The following CCL28 variants were observed in gnomAD, a reference collection of about 807,000 sequenced individuals.
CCL28 encodes C-C motif chemokine ligand 28, also known as C-C motif chemokine 28.
A neutral mutation model predicts 7.1 loss-of-function variants in CCL28; 4 were observed. The observed-to-expected ratio is 0.56, with a 90% CI of 0.28 to 1.29. CCL28 has a LOEUF of 1.29. Among genes scored for constraint, CCL28 ranks in the 50% most tolerant of loss-of-function variants. The pLI is 0.11. For missense variants in CCL28, 151 were observed against 163.4 expected, an observed-to-expected ratio of 0.92 and a Z score of 0.41; for synonymous variants, 55 against 57.8, an observed-to-expected ratio of 0.95 and a Z score of 0.22.
At position 43,382,008 on chromosome 5, in the gene CCL28, T is replaced by C. The variant is rs376170872; in HGVS notation, c.236A>G (p.His79Arg). 83 of 1,614,064 alleles carry C rather than the reference T, an allele frequency of 5.1e-5. No homozygotes were observed. Among genetic ancestry groups the C allele is most frequent in the Admixed American group, 1.5e-4 (9 of 59,998 alleles). Residue 79 changes from histidine to arginine, a missense_variant, in exon 3 of 3, where the codon CAT becomes CGT. By Grantham distance (29) the His-to-Arg change is conservative. Coordinates refer to ENST00000361115, the MANE Select transcript of CCL28 (RefSeq NM_148672.3). ...RRRICVSPHN[H>R]TVKQWMKVQA... is the part of the protein sequence containing the mutation. ...CACTTTCATCCACTGCTTAACAGTATGGTTGTGCGGGCTGACACAGATTCT... is the reference window on the plus strand; with the variant it reads ...CACTTTCATCCACTGCTTAACAGTACGGTTGTGCGGGCTGACACAGATTCT...
chr5:43,399,849 CT>C lies in CCL28; in HGVS notation c.65-11374del, dbSNP rs796272225. On this transcript the variant is annotated intron_variant, in intron 1 of 2. Transcript: ENST00000361115. Reference sequence around the variant, plus strand: ...GTCTTATTATGGTGTTATTTCTTTTCTTTTTTTTTTTTTTGGGAGACCGTCT... The same window carrying C: ...GTCTTATTATGGTGTTATTTCTTTTCTTTTTTTTTTTTTGGGAGACCGTCT... Among the ~76,000 whole-genome samples, 387 of 138,772 alleles carry C rather than the reference CT, an allele frequency of 2.8e-3. 1 individual carries two copies. The highest frequency in any genetic ancestry group is 4.7e-3 in the South Asian group (20 of 4,294). 91.0% of individuals were successfully genotyped at this position (138,772 alleles called of 152,430 possible).
intron 1 of CCL28, among the ~76,000 whole-genome samples, chr5:43,406,995 T>C (rs981239437): frequency 6.6e-6 from 1 of 152,072 alleles, no homozygotes; most frequent in Non-Finnish European, 1.5e-5. Context: ...TAAAAGAGGA[T>C]ACAAAGAAAT....
At chr5:43,405,775 C>G (rs911006307) in intron 1 of CCL28, among the ~76,000 whole-genome samples, 3 of 151,994 alleles carry the variant, frequency 2.0e-5, no homozygotes, top group Non-Finnish European at 4.4e-5. Flanking sequence ...AGAAAAGAGA[C>G]AAGAATCAAA....
At chr5:43,391,592 C>A (rs6892413) in intron 1 of CCL28, among the ~76,000 whole-genome samples, 1 of 152,066 alleles carries the variant, frequency 6.6e-6, no homozygotes, top group African/African-American at 2.4e-5. Context: ...ACTCATCACC[C>A]AAATGTTATT....
At chr5:43,365,702 C>T in the CCL28 span, among the ~76,000 whole-genome samples, 1 of 152,112 alleles carries the variant, frequency 6.6e-6, no homozygotes, top group Non-Finnish European at 1.5e-5. Flanking sequence ...TGAATGTTGT[C>T]CTGTCTTGCT....
At chr5:43,386,622 A>C (rs1407605966) in intron 2 of CCL28, among the ~76,000 whole-genome samples, 1 of 152,252 alleles carries the variant, frequency 6.6e-6, no homozygotes, top group Non-Finnish European at 1.5e-5. Flanking sequence ...GAATCTTATA[A>C]AACCTATGGA....
At chr5:43,383,238 C>T (rs1267022803) in intron 2 of CCL28, among the ~76,000 whole-genome samples, 2 of 152,114 alleles carry the variant, frequency 1.3e-5, no homozygotes, top group African/African-American at 4.8e-5. Context: ...TTCTAATTTC[C>T]TCATGAGGGG....
At chr5:43,358,343 A>G in the CCL28 span, among the ~76,000 whole-genome samples, 3 of 152,352 alleles carry the variant, frequency 2.0e-5, no homozygotes, top group Middle Eastern at 6.8e-3. Flanking sequence ...AGAAAAGGTC[A>G]TAAAAAAGCA....
At chr5:43,403,926 G>GAATGA (rs1370539915) in intron 1 of CCL28, among the ~76,000 whole-genome samples, 1 of 152,114 alleles carries the variant, frequency 6.6e-6, no homozygotes, top group Non-Finnish European at 1.5e-5. Flanking sequence ...AAGATGAAAT[G>GAATGA]AATGAAATGA....
chr5:43,393,713 C>CTTTTTTTTTTTTTTTTTTTTTTTTTTTTT (rs1740679555), intron 1 of CCL28, among the ~76,000 whole-genome samples: 1 of 151,584 alleles, frequency 6.6e-6, no homozygotes. Context: ...TTAATCTTTA[C>CTTTTTTTTTTTTTTTTTTTTTTTTTTTTT]TTTTGGATTG....
At chr5:43,369,362 C>T in the CCL28 span, among the ~76,000 whole-genome samples, 1 of 152,098 alleles carries the variant, frequency 6.6e-6, no homozygotes, top group Admixed American at 6.5e-5. Context: ...AAAGTACATT[C>T]TTGAAATAAA....
intron 1 of CCL28, among the ~76,000 whole-genome samples, chr5:43,397,425 T>A (rs1740858734): frequency 6.6e-6 from 1 of 151,888 alleles, no homozygotes. Flanking sequence ...TTTCTTGCAT[T>A]TCTGTCTACT....
At chr5:43,385,985 C>T (rs1740318204) in intron 2 of CCL28, among the ~76,000 whole-genome samples, 1 of 152,132 alleles carries the variant, frequency 6.6e-6, no homozygotes. Flanking sequence ...ATCTCTTATA[C>T]ACCCACAGAA....
chr5:43,409,530 C>T (rs1306591392), intron 1 of CCL28, among the ~76,000 whole-genome samples: 2 of 152,048 alleles, frequency 1.3e-5, no homozygotes, highest in Non-Finnish European at 2.9e-5. Flanking sequence ...CCCAATTGTG[C>T]AGAACAACAT....
chr5:43,382,715 TAACAA>T (rs113342276), intron 2 of CCL28, among the ~76,000 whole-genome samples: 2,775 of 152,336 alleles, frequency 0.018, 94 homozygotes, highest in African/African-American at 0.064. Flanking sequence ...AAACTTAAAT[TAACAA>T]AACAAAACTA....
intron 1 of CCL28, among the ~76,000 whole-genome samples, chr5:43,411,291 A>G (rs766813515): frequency 2.0e-4 from 30 of 152,212 alleles, no homozygotes; most frequent in Non-Finnish European, 4.1e-4. Flanking sequence ...AAAGATGACA[A>G]TGGAAAAGAG....
the CCL28 span, among the ~76,000 whole-genome samples, chr5:43,357,486 T>C: frequency 6.6e-6 from 1 of 152,332 alleles, no homozygotes; most frequent in South Asian, 2.1e-4. Flanking sequence ...GTTGTTGTCA[T>C]TGATCTTCTG....
At chr5:43,400,697 A>C (rs560308964) in intron 1 of CCL28, among the ~76,000 whole-genome samples, 1 of 152,346 alleles carries the variant, frequency 6.6e-6, no homozygotes, top group East Asian at 1.9e-4. Flanking sequence ...AGAAAGGCAC[A>C]TGCAATTATT....
the CCL28 span, among the ~76,000 whole-genome samples, chr5:43,362,569 C>T: frequency 3.0e-4 from 46 of 152,232 alleles, no homozygotes; most frequent in African/African-American, 1.1e-3. Flanking sequence ...GTAATAATTG[C>T]TAACTCCATG....
Sources: allele counts gnomAD v4.1 joint callset (sites outside exome capture counted in the v4.1 genomes callset), GRCh38; gene constraint gnomAD v4.1.1; transcripts MANE v1.5; gene names NCBI Gene and HGNC (gene_info 2026-07-23, HGNC 2026-07-21).